The following RBFOX1 variants were observed in gnomAD, a reference collection of about 807,000 sequenced individuals.
The protein encoded by RBFOX1 is RNA binding protein fox-1 homolog 1.
Under a neutral mutation model 57.7 loss-of-function variants are expected in RBFOX1, and 8 were observed. The ratio of observed to expected loss-of-function variants is 0.14; its 90% CI spans 0.08 to 0.25. RBFOX1 has a LOEUF of 0.25. Ranked by LOEUF, RBFOX1 falls within the 10% of genes least tolerant of loss-of-function variation. RBFOX1 has a pLI of 1.00. For synonymous variants in RBFOX1, 326 were observed against 222.4 expected, an observed-to-expected ratio of 1.47 and a Z score of -4.15; for missense variants, 611 against 548.5, an observed-to-expected ratio of 1.11 and a Z score of -1.14.
intron 1 of RBFOX1, among the ~76,000 whole-genome samples, chr16:6,275,327 A>C (rs960920274): frequency 6.6e-6 from 1 of 151,846 alleles, no homozygotes; most frequent in Non-Finnish European, 1.5e-5. Flanking sequence ...AAAAAGAAAA[A>C]GAAAGAAAAG....
chr16:7,293,116 G>A (rs1157532177), intron 4 of RBFOX1, among the ~76,000 whole-genome samples: 2 of 152,140 alleles, frequency 1.3e-5, no homozygotes, highest in South Asian at 2.1e-4. Flanking sequence ...GACCCTCCAC[G>A]TCCTTGGGTT....
intron 1 of RBFOX1, among the ~76,000 whole-genome samples, chr16:6,301,606 A>C (rs1364550320): frequency 6.6e-6 from 1 of 152,138 alleles, no homozygotes; most frequent in Non-Finnish European, 1.5e-5. Context: ...CCCGTGTCTG[A>C]GGAGGTGTGT....
intron 4 of RBFOX1, among the ~76,000 whole-genome samples, chr16:7,059,330 C>T (rs1332551823): frequency 6.6e-6 from 1 of 152,148 alleles, no homozygotes; most frequent in Non-Finnish European, 1.5e-5. Flanking sequence ...TGAGTTCTTC[C>T]TGACTATAAT....
At chr16:6,776,486 A>C (rs910808290) in intron 3 of RBFOX1, among the ~76,000 whole-genome samples, 5 of 152,160 alleles carry the variant, frequency 3.3e-5, no homozygotes, top group African/African-American at 4.8e-5. Flanking sequence ...GCAATTCTTT[A>C]AAGTGCATAC....
intron 4 of RBFOX1, among the ~76,000 whole-genome samples, chr16:7,458,022 T>A (rs2058860910): frequency 6.6e-6 from 1 of 152,132 alleles, no homozygotes; most frequent in South Asian, 2.1e-4. Flanking sequence ...GTTGGTATAT[T>A]CAGCCTTGCT....
intron 4 of RBFOX1, among the ~76,000 whole-genome samples, chr16:7,377,639 G>C (rs1392338392): frequency 1.3e-5 from 2 of 152,174 alleles, no homozygotes; most frequent in Non-Finnish European, 2.9e-5. Flanking sequence ...ATGTCTGAAA[G>C]ATGACTCATT....
chr16:5,919,523 T>C (rs1324400107), intron 4 of RBFOX1, among the ~76,000 whole-genome samples: 1 of 152,094 alleles, frequency 6.6e-6, no homozygotes, highest in South Asian at 2.1e-4. Flanking sequence ...TTTGTATTTT[T>C]AGTAGAGACG....
intron 4 of RBFOX1, among the ~76,000 whole-genome samples, chr16:7,372,158 C>T (rs1568471796): frequency 6.6e-6 from 1 of 152,070 alleles, no homozygotes; most frequent in African/African-American, 2.4e-5. Flanking sequence ...CAAAACTTAC[C>T]TCCTACTATA....
chr16:6,492,835 A>C (rs1435319018), intron 2 of RBFOX1, among the ~76,000 whole-genome samples: 2 of 152,212 alleles, frequency 1.3e-5, no homozygotes, highest in Non-Finnish European at 2.9e-5. Context: ...CCCAAAACTC[A>C]GAAATCTGTT....
intron 9 of RBFOX1, among the ~76,000 whole-genome samples, chr16:7,603,645 A>C (rs1486176135): frequency 6.6e-6 from 1 of 152,164 alleles, no homozygotes; most frequent in East Asian, 1.9e-4. Context: ...AAGTGGATAC[A>C]AAGAGACTTT....
chr16:6,650,789 C>G (rs947869055), intron 2 of RBFOX1, among the ~76,000 whole-genome samples: 5 of 152,104 alleles, frequency 3.3e-5, no homozygotes, highest in Admixed American at 1.3e-4. Context: ...TCATATTAAC[C>G]TTTCCTAATG....
At chr16:7,275,737 C>T (rs2095428235) in intron 4 of RBFOX1, among the ~76,000 whole-genome samples, 1 of 152,180 alleles carries the variant, frequency 6.6e-6, no homozygotes, top group Non-Finnish European at 1.5e-5. Context: ...ATGGCATATG[C>T]CACAAGCATC....
At position 6,804,390 on chromosome 16, in the gene RBFOX1, C is replaced by T. The variant is rs150753385; in HGVS notation, c.-16+149740C>T. On this transcript the variant is annotated intron_variant, in intron 3 of 15. Transcript: ENST00000550418. Reference sequence around the variant, plus strand: ...TTAAATTCTAATAGGATCCCTAATGCCCCATCTAGCCCTGCAGTATTTCAG... The same window carrying T: ...TTAAATTCTAATAGGATCCCTAATGTCCCATCTAGCCCTGCAGTATTTCAG... Among the ~76,000 whole-genome samples, 924 of 152,216 alleles carry T rather than the reference C, an allele frequency of 6.1e-3. 19 individuals carry two copies. The highest frequency in any genetic ancestry group is 0.022 in the African/African-American group (894 of 41,550).
intron 4 of RBFOX1, among the ~76,000 whole-genome samples, chr16:7,242,828 A>T (rs929307859): frequency 6.6e-6 from 1 of 152,178 alleles, no homozygotes; most frequent in African/African-American, 2.4e-5. Flanking sequence ...GACCCGACTG[A>T]CTTTGCCAGG....
chr16:7,064,761 A>AC (rs2055526381), intron 4 of RBFOX1, among the ~76,000 whole-genome samples: 1 of 152,196 alleles, frequency 6.6e-6, no homozygotes, highest in African/African-American at 2.4e-5. Flanking sequence ...CAAATGAACA[A>AC]CCAACTAACC....
At chr16:7,626,122 A>C (rs1449154221) in intron 10 of RBFOX1, among the ~76,000 whole-genome samples, 1 of 152,252 alleles carries the variant, frequency 6.6e-6, no homozygotes, top group African/African-American at 2.4e-5. Flanking sequence ...TTTCCTGGAA[A>C]AAGACAAAGC....
intron 4 of RBFOX1, among the ~76,000 whole-genome samples, chr16:7,512,838 C>T (rs77423911): frequency 0.057 from 8,673 of 152,306 alleles, 291 homozygotes; most frequent in East Asian, 0.12. Flanking sequence ...GTCACCCACC[C>T]AACCTGGCCA....
chr16:6,996,529 A>G lies in RBFOX1; in HGVS notation c.-15-55528A>G, dbSNP rs902125553. Among the ~76,000 whole-genome samples, 3 of 152,212 alleles carry G rather than the reference A, an allele frequency of 2.0e-5. No individual in the cohort carries two copies. In the East Asian group the frequency reaches 5.8e-4, roughly 29 times the overall value. On this transcript the variant is annotated intron_variant, in intron 3 of 15. Transcript: ENST00000550418. ...TTGAAAATAAGTAGGGCTTGCATAC[A>G]TTGTAGTTACTATTGTAAGTGCTTT...
intron 2 of RBFOX1, among the ~76,000 whole-genome samples, chr16:6,599,671 G>A (rs149907245): frequency 6.6e-6 from 1 of 152,126 alleles, no homozygotes; most frequent in Non-Finnish European, 1.5e-5. Context: ...ATATGGCAGA[G>A]TGCTTCAGAA....
Sources: allele counts gnomAD v4.1 joint callset (sites outside exome capture counted in the v4.1 genomes callset), GRCh38; gene constraint gnomAD v4.1.1; transcripts MANE v1.5; gene names NCBI Gene and HGNC (gene_info 2026-07-23, HGNC 2026-07-21).